MEGF11: variants seen among roughly 807,000 people sequenced by gnomAD.
MEGF11 encodes the protein multiple EGF like domains 11, also known as multiple epidermal growth factor-like domains protein 11.
A neutral mutation model predicts 146.6 loss-of-function variants in MEGF11; 126 were observed. The observed-to-expected ratio is 0.86, with a 90% CI of 0.74 to 1.00. The LOEUF is 1.00. MEGF11 is among the 50% of genes least tolerant of loss of function. The pLI is 0.00. For missense variants in MEGF11, 1,509 were observed against 1,521.2 expected, an observed-to-expected ratio of 0.99 and a Z score of 0.13; for synonymous variants, 532 against 583.4, an observed-to-expected ratio of 0.91 and a Z score of 1.27.
intron 5 of MEGF11, among the ~76,000 whole-genome samples, chr15:66,005,923 C>G (rs2082506962): frequency 1.3e-5 from 2 of 152,206 alleles, no homozygotes; most frequent in African/African-American, 4.8e-5. Flanking sequence ...TTTCACTTCT[C>G]CAACCCTCAG....
intron 1 of MEGF11, among the ~76,000 whole-genome samples, chr15:66,147,407 G>A (rs977104941): frequency 2.6e-5 from 4 of 152,202 alleles, no homozygotes; most frequent in Non-Finnish European, 4.4e-5. Context: ...CATGTAACAC[G>A]TCAAGTCATA....
At chr15:66,203,839 G>T (rs113399151) in intron 1 of MEGF11, among the ~76,000 whole-genome samples, 7 of 152,330 alleles carry the variant, frequency 4.6e-5, no homozygotes, top group Middle Eastern at 3.4e-3. Flanking sequence ...TATTAATTTT[G>T]TCAGTTGCAA....
In MEGF11 at chr15:66,243,834, A is replaced by T. The variant is rs142739833; in HGVS notation, c.-9+9771T>A. On this transcript the variant is annotated intron_variant, in intron 1 of 25. Transcript: ENST00000395614. ...CTGAGAAAAGATAGGCCCTAGATAC[A>T]CAGGGGTAAGTCACCTCTACCGACC... 1.1e-4 allele frequency among the ~76,000 whole-genome samples: 16 copies of T among 152,242 alleles called. No individual in the cohort carries two copies. In the East Asian group the frequency reaches 2.5e-3, roughly 24 times the overall value.
At chr15:65,994,501 CT>C (rs1445024770) in intron 5 of MEGF11, among the ~76,000 whole-genome samples, 1 of 152,162 alleles carries the variant, frequency 6.6e-6, no homozygotes, top group East Asian at 1.9e-4. Context: ...AGCTGGGGGC[CT>C]TTTTCACCGG....
intron 13 of MEGF11, among the ~76,000 whole-genome samples, chr15:65,924,459 C>T (rs1050794710): frequency 6.6e-6 from 1 of 151,986 alleles, no homozygotes; most frequent in African/African-American, 2.4e-5. Context: ...AGGGGTCTCT[C>T]CCAGTGGTGG....
At chr15:66,171,302 G>A (rs948592380) in intron 1 of MEGF11, among the ~76,000 whole-genome samples, 26 of 152,206 alleles carry the variant, frequency 1.7e-4, no homozygotes, top group African/African-American at 7.2e-5. Context: ...ACAGAGAATC[G>A]GGGAAGCTGG....
chr15:66,036,404 A>T (rs2083727225), intron 5 of MEGF11, among the ~76,000 whole-genome samples: 1 of 152,206 alleles, frequency 6.6e-6, no homozygotes, highest in Non-Finnish European at 1.5e-5. Flanking sequence ...TTGCAGAATT[A>T]TCCACGTTGC....
chr15:65,992,911 G>T (rs999831307), intron 5 of MEGF11, among the ~76,000 whole-genome samples: 2 of 152,194 alleles, frequency 1.3e-5, no homozygotes, highest in Non-Finnish European at 2.9e-5. Flanking sequence ...CTGAGATGAG[G>T]ACATTGAGGA....
At chr15:65,913,475 G>C in intron 20 of MEGF11, 1 of 574,068 alleles carries the variant, frequency 1.7e-6, no homozygotes, top group Non-Finnish European at 3.1e-6. Flanking sequence ...CCGAAGGCTG[G>C]TGAGAAGGAT....
At chr15:65,980,991 G>C in intron 6 of MEGF11, 93 bp from the exon 7 acceptor site, 1 of 1,428,434 alleles carries the variant, frequency 7.0e-7, no homozygotes, top group Non-Finnish European at 9.3e-7. Context: ...TTCCTCCGCA[G>C]TTAATGGATC....
At chr15:65,983,117 C>T (rs961956783) in intron 5 of MEGF11, among the ~76,000 whole-genome samples, 1 of 152,160 alleles carries the variant, frequency 6.6e-6, no homozygotes, top group African/African-American at 2.4e-5. Context: ...TCATCTCTTC[C>T]TCATGCTTCT....
intron 5 of MEGF11, among the ~76,000 whole-genome samples, chr15:66,010,983 G>A (rs1407774638): frequency 6.6e-6 from 1 of 152,170 alleles, no homozygotes; most frequent in Non-Finnish European, 1.5e-5. Flanking sequence ...GAGCACTGGG[G>A]ACAATGGAGA....
At chr15:66,034,910 A>G (rs2083669868) in intron 5 of MEGF11, among the ~76,000 whole-genome samples, 1 of 152,180 alleles carries the variant, frequency 6.6e-6, no homozygotes, top group Non-Finnish European at 1.5e-5. Flanking sequence ...GCTTTGTTGT[A>G]AAAGTGAGCT....
intron 5 of MEGF11, among the ~76,000 whole-genome samples, chr15:66,091,517 GT>G (rs1428973364): frequency 6.6e-6 from 1 of 152,182 alleles, no homozygotes; most frequent in Non-Finnish European, 1.5e-5. Context: ...CAGGACATAG[GT>G]TTTTGCTTGG....
chr15:65,982,508 C>G lies in MEGF11; in HGVS notation c.395-20G>C, dbSNP rs988985483. The G allele has an allele frequency of 4.8e-6, 7 of 1,459,836 alleles. No homozygotes were observed. The highest frequency in any genetic ancestry group is 1.4e-5 in the African/African-American group (1 of 69,042). 90.4% of individuals were successfully genotyped at this position (1,459,836 alleles called of 1,614,324 possible). A position where few individuals can be genotyped will look rare whatever the true frequency, so the allele number is the denominator to read the frequency against. ...CGCAGCCTGCAAGAGACGGGACAGT[C>G]AGGGATCAGGAGCCCCGAAGGCTCT... On this transcript the variant is annotated intron_variant, in intron 5 of 25. Coordinates refer to ENST00000395614, the MANE Select transcript of MEGF11 (RefSeq NM_001385028.1). This position sits in a 1 kb window ranked among gnomAD's most constrained non-coding sequence, Gnocchi z 5.6.
At chr15:66,033,756 T>A (rs2083619712) in intron 5 of MEGF11, among the ~76,000 whole-genome samples, 1 of 151,640 alleles carries the variant, frequency 6.6e-6, no homozygotes, top group African/African-American at 2.4e-5. Flanking sequence ...CAAATATAAT[T>A]TTCCCTGTTG....
chr15:66,157,996 C>T (rs912548023), intron 1 of MEGF11, among the ~76,000 whole-genome samples: 2 of 152,168 alleles, frequency 1.3e-5, no homozygotes, highest in Non-Finnish European at 1.5e-5. Context: ...ATGTACCTCC[C>T]GCTGTTGCCC....
intron 5 of MEGF11, among the ~76,000 whole-genome samples, chr15:66,089,770 C>T (rs1250968911): frequency 6.6e-6 from 1 of 152,188 alleles, no homozygotes; most frequent in Non-Finnish European, 1.5e-5. Flanking sequence ...CTATCTCAAT[C>T]ATTGTCAGTG....
At chr15:66,161,555 TTTTG>T (rs746842015) in intron 1 of MEGF11, among the ~76,000 whole-genome samples, 13 of 152,028 alleles carry the variant, frequency 8.6e-5, no homozygotes, top group East Asian at 1.9e-4. Flanking sequence ...CTGGCTAAAT[TTTTG>T]TTTGTTTGTT....
Sources: allele counts gnomAD v4.1 joint callset (sites outside exome capture counted in the v4.1 genomes callset), GRCh38; gene constraint gnomAD v4.1.1; non-coding constraint Gnocchi (gnomAD v3.1); transcripts MANE v1.5; gene names NCBI Gene and HGNC (gene_info 2026-07-23, HGNC 2026-07-21).